Variants in SYNE1 observed in about 807,000 individuals in gnomAD.
The protein encoded by SYNE1 is spectrin repeat containing nuclear envelope protein 1, also known as nesprin-1.
In SYNE1, 616 loss-of-function variants were observed where a neutral mutation model predicts 1,111.0. That is an observed-to-expected ratio of 0.55 (90% CI 0.52 to 0.59). SYNE1 has a LOEUF of 0.59. Ranked by LOEUF, SYNE1 falls within the 20% of genes least tolerant of loss-of-function variation. The pLI is 0.00. For synonymous variants in SYNE1, 3,855 were observed against 3,825.8 expected (o/e 1.01, Z -0.28); for missense variants, 10,006 against 10,417.0 (o/e 0.96, Z 1.72).
chr6:152,534,138 A>G (rs1425534890), intron 4 of SYNE1, among the ~76,000 whole-genome samples: 2 of 152,036 alleles, frequency 1.3e-5, no homozygotes, highest in Admixed American at 6.6e-5. Flanking sequence ...AGCCTGGGCA[A>G]CAGAGCAAGA....
chr6:152,605,399 T>C (rs1276630262), intron 3 of SYNE1, among the ~76,000 whole-genome samples: 5 of 99,156 alleles, frequency 5.0e-5, no homozygotes, highest in African/African-American at 9.1e-5. Context: ...AAAAGCTACT[T>C]GGTACTTCAA....
Position 152,132,124 on chromosome 6 carries a change from T to C in SYNE1, c.26092A>G (p.Thr8698Ala). The change falls in exon 144 of 146, where the codon ACG becomes GCG. Residue 8698 changes from threonine (T) to alanine (A), a missense_variant and splice_region_variant. Around this residue, in one of 7 missense-constraint regions of SYNE1, gnomAD observed 761 missense variants for 795.5 expected, o/e 0.96. Coordinates refer to ENST00000367255, the MANE Select transcript of SYNE1 (RefSeq NM_182961.4). ...SGRSTPNRQK[T>A]PRGKCSLSQP... ...GAAAACGACCAGTGGAAAGTTACCG[T>C]TTTCTGTCTGTTTGGGGTGCTCCTT... 1 of 1,613,982 alleles carries C rather than the reference T, an allele frequency of 6.2e-7. No homozygotes were observed. Among genetic ancestry groups the C allele is most frequent in the South Asian group, 1.1e-5 (1 of 91,070 alleles).
chr6:152,296,324 T>C (rs531046741), intron 93 of SYNE1, among the ~76,000 whole-genome samples: 2 of 152,350 alleles, frequency 1.3e-5, no homozygotes, highest in South Asian at 4.1e-4. Context: ...CTCGCCAATA[T>C]TGGTGAATTG....
chr6:152,176,579 T>A lies in SYNE1; in HGVS notation c.23461-19A>T, dbSNP rs1198389161. On this transcript the variant is annotated intron_variant, in intron 129 of 145. Transcript: ENST00000367255. ...GATAATCCTGTGTAATAAATAGCAA[T>A]CACAGAGGTCAGAAAGCATATTCTT... 6.2e-7 allele frequency: 1 copy of A among 1,612,852 alleles called. No homozygotes were observed. Among genetic ancestry groups the A allele is most frequent in the Admixed American group, 1.7e-5 (1 of 60,010 alleles).
At chr6:152,478,848 T>C (rs573386349) in intron 14 of SYNE1, among the ~76,000 whole-genome samples, 44 of 152,182 alleles carry the variant, frequency 2.9e-4, no homozygotes, top group African/African-American at 9.4e-4. Context: ...GCTACATGTG[T>C]GTGGGCATGA....
At chr6:152,526,223 T>C in intron 4 of SYNE1, 48 bp from the exon 5 acceptor site, 1 of 1,561,632 alleles carries the variant, frequency 6.4e-7, no homozygotes, top group Non-Finnish European at 8.8e-7. Context: ...CTTCCCTCTC[T>C]GTTTCTCTCT....
At chr6:152,268,267 A>G in intron 99 of SYNE1, 102 bp from the exon 100 acceptor site, 2 of 908,568 alleles carry the variant, frequency 2.2e-6, no homozygotes, top group Non-Finnish European at 3.6e-6. Flanking sequence ...TTCGGTAGTG[A>G]GCTTTTAAGT....
intron 3 of SYNE1, among the ~76,000 whole-genome samples, chr6:152,611,604 C>A (rs570098297): frequency 6.6e-6 from 1 of 152,158 alleles, no homozygotes; most frequent in Admixed American, 6.6e-5. Context: ...AGAAGGTTAA[C>A]AAGGATATCC....
At position 152,455,615 on chromosome 6, in the gene SYNE1, G is replaced by A. The variant is rs214968; in HGVS notation, c.2728-25C>T. The A allele has an allele frequency of 0.24, 386,129 of 1,611,340 alleles. 48,352 individuals are homozygous for A. Among genetic ancestry groups the A allele is most frequent in the African/African-American group, 0.37 (27,363 of 74,898 alleles). On this transcript the variant is annotated intron_variant, in intron 23 of 145. Coordinates refer to ENST00000367255, the MANE Select transcript of SYNE1 (RefSeq NM_182961.4). The stretch of plus-strand genomic sequence containing the variant: ...TCTTGATGTGAAAAACAATCATAAT[G>A]TGATGCTGCTTTCTCATTACTGAAA...
At position 152,140,177 on chromosome 6, in the gene SYNE1, T is replaced by C. The variant is rs754813815; in HGVS notation, c.25247-16A>G. On this transcript the variant is annotated splice_polypyrimidine_tract_variant and intron_variant, in intron 139 of 145. Transcript: ENST00000367255. ...TCAATCACACCTGGCAAGACATGCA[T>C]AGAACAGTGAGGTTATTTTCCTCTA... 7 of 1,613,422 alleles carry C rather than the reference T, an allele frequency of 4.3e-6. No individual in the cohort carries two copies. Among genetic ancestry groups the C allele is most frequent in the South Asian group, 2.2e-5 (2 of 91,060 alleles).
At chr6:152,257,073 T>C (rs934161641) in intron 101 of SYNE1, among the ~76,000 whole-genome samples, 3 of 152,056 alleles carry the variant, frequency 2.0e-5, no homozygotes, top group African/African-American at 7.2e-5. Flanking sequence ...ATATTGTATA[T>C]CTCAATAGCT....
At chr6:152,302,590 C>CT (rs1393922593) in intron 91 of SYNE1, among the ~76,000 whole-genome samples, 1 of 152,132 alleles carries the variant, frequency 6.6e-6, no homozygotes, top group Non-Finnish European at 1.5e-5. Flanking sequence ...TCCTATGTCT[C>CT]TAAGAATTTT....
Position 152,233,908 on chromosome 6 carries a change from G to C in SYNE1, c.20585C>G (p.Thr6862Ser), listed in dbSNP as rs376951278. 6.2e-7 allele frequency: 1 copy of C among 1,614,154 alleles called. No homozygotes were observed. Among genetic ancestry groups the C allele is most frequent in the Non-Finnish European group, 8.5e-7 (1 of 1,180,026 alleles). ...QSSLKSSVLS[T>S]GNQLLRLKKV... is the part of the protein sequence containing the mutation. Reference sequence around the variant, plus strand: ...TTTTAGTCGAAGGAGCTGATTTCCAGTACTCAGAACAGATGATTTCAGGGA... The same window carrying C: ...TTTTAGTCGAAGGAGCTGATTTCCACTACTCAGAACAGATGATTTCAGGGA... Residue 6862 changes from threonine to serine, a missense_variant, in exon 112 of 146, where the codon ACT becomes AGT. Physicochemically the swap from Thr to Ser is moderately conservative, Grantham distance 58. Around this residue, in one of 7 missense-constraint regions of SYNE1, gnomAD observed 2,182 missense variants for 2,287.8 expected, o/e 0.95. Coordinates refer to ENST00000367255, the MANE Select transcript of SYNE1 (RefSeq NM_182961.4).
chr6:152,163,854 A>AATC (rs1398423291), intron 131 of SYNE1, among the ~76,000 whole-genome samples: 1 of 151,980 alleles, frequency 6.6e-6, no homozygotes, highest in Non-Finnish European at 1.5e-5. Context: ...TAAATAAACC[A>AATC]ATCTGTTAGC....
intron 138 of SYNE1, among the ~76,000 whole-genome samples, chr6:152,143,294 C>A (rs1280148079): frequency 6.6e-6 from 1 of 152,160 alleles, no homozygotes; most frequent in African/African-American, 2.4e-5. Flanking sequence ...TAACCTTGGT[C>A]CAAAAATTAT....
chr6:152,549,112 C>A (rs2099328306), intron 3 of SYNE1, among the ~76,000 whole-genome samples: 1 of 152,204 alleles, frequency 6.6e-6, no homozygotes, highest in Admixed American at 6.5e-5. Flanking sequence ...ATGAACTCAG[C>A]CACAGGTGAA....
At chr6:152,447,396 A>G in intron 29 of SYNE1, 62 bp downstream of exon 29, 1 of 1,581,934 alleles carries the variant, frequency 6.3e-7, no homozygotes, top group Non-Finnish European at 8.7e-7. Flanking sequence ...AACCAGAAGA[A>G]AAAGAACCTT....
chr6:152,561,103 C>T (rs1450021208), intron 3 of SYNE1, among the ~76,000 whole-genome samples: 4 of 152,144 alleles, frequency 2.6e-5, no homozygotes, highest in African/African-American at 9.6e-5. Flanking sequence ...CAATAAAAGG[C>T]ATCAAAATCA....
At chr6:152,420,966 G>T (rs2154188667) in intron 39 of SYNE1, among the ~76,000 whole-genome samples, 1 of 152,252 alleles carries the variant, frequency 6.6e-6, no homozygotes, top group Middle Eastern at 3.4e-3. Context: ...ATTTGTATAA[G>T]TTCAATATGT....
Sources: gnomAD v4.1 joint callset for allele counts (sites outside exome capture counted in the v4.1 genomes callset) on GRCh38, gnomAD v4.1.1 for gene constraint, gnomAD v4.1.1 regional missense constraint, MANE v1.5 for transcripts, NCBI Gene and HGNC (gene_info 2026-07-23, HGNC 2026-07-21) for gene names.